Variants in CLK2 observed in about 807,000 individuals in gnomAD.
CLK2 encodes the protein CDC like kinase 2, also known as dual specificity protein kinase CLK2.
Under a neutral mutation model 73.5 loss-of-function variants are expected in CLK2, and 12 were observed. The observed-to-expected ratio is 0.16, with a 90% CI of 0.10 to 0.26. CLK2 has a LOEUF of 0.26. CLK2 is among the 10% of genes least tolerant of loss of function. The probability of loss-of-function intolerance (pLI) is 1.00; values close to 1 mark genes in which losing one functional copy is unlikely to be tolerated. For missense variants in CLK2, 509 were observed against 688.4 expected, an observed-to-expected ratio of 0.74 and a Z score of 2.92; for synonymous variants, 232 against 237.9, an observed-to-expected ratio of 0.98 and a Z score of 0.23.
chr1:155,263,962 G>C lies in CLK2; in HGVS notation c.1305C>G (p.Cys435Trp). 1 of 1,614,018 alleles carries C rather than the reference G, an allele frequency of 6.2e-7. No homozygotes were observed. The highest frequency in any genetic ancestry group is 8.5e-7 in the Non-Finnish European group (1 of 1,179,916). ...GAGCCCAGCTCACCCGCAGCGGTTTGCAGTTCTCACGAACATAGCGCCCAG... is the reference window on the plus strand; with the variant it reads ...GAGCCCAGCTCACCCGCAGCGGTTTCCAGTTCTCACGAACATAGCGCCCAG... ...TSAGRYVREN[C>W]KPLRRYLTSE... Residue 435 changes from cysteine to tryptophan, a missense_variant, in exon 12 of 13, where the codon TGC becomes TGG. By Grantham distance (215) the Cys-to-Trp change is radical. Transcript: ENST00000368361.
In CLK2 at chr1:155,265,875, G is replaced by C; in HGVS notation, c.918C>G (p.Thr306=). The change falls in exon 8 of 13, where the codon ACC becomes ACG. Residue 306 remains threonine, a synonymous_variant. Coordinates refer to ENST00000368361, the MANE Select transcript of CLK2 (RefSeq NM_001294338.2). ...TCCATCTTACCTTCTCTAGGTTGTAGGTGAGCTCATAGTCTGAATTCACAA... is the reference window on the plus strand; with the variant it reads ...TCCATCTTACCTTCTCTAGGTTGTACGTGAGCTCATAGTCTGAATTCACAA... The part of the protein sequence containing the change: ...ILFVNSDYEL[T]YNLEKKRDER... The C allele has an allele frequency of 1.2e-6, 2 of 1,608,138 alleles. No individual in the cohort carries two copies. Among genetic ancestry groups the C allele is most frequent in the Non-Finnish European group, 1.7e-6 (2 of 1,174,528 alleles).
chr1:155,265,596 A>AATAAATAAATAAATAAATAAATATATAT (rs1347854169), intron 8 of CLK2, among the ~76,000 whole-genome samples: 7 of 151,706 alleles, frequency 4.6e-5, no homozygotes, highest in African/African-American at 1.7e-4. Flanking sequence ...TAAATAAATA[A>AATAAATAAATAAATAAATAAATATATAT]ATAAATAAAG....
Position 155,265,917 on chromosome 1 carries a change from C to T in CLK2, c.876G>A (p.Lys292=). ...AATTCACAAACAGAATATTTTCAGG[C>T]TTGAGGTCTGTATGTGTCAGCTTGT... The part of the protein sequence containing the change: ...HDNKLTHTDL[K]PENILFVNSD... The change falls in exon 8 of 13, where the codon AAG becomes AAA. Residue 292 remains lysine, a synonymous_variant. Coordinates refer to ENST00000368361, the MANE Select transcript of CLK2 (RefSeq NM_001294338.2). 6.2e-7 allele frequency: 1 copy of T among 1,613,352 alleles called. No individual in the cohort carries two copies. The highest frequency in any genetic ancestry group is 8.5e-7 in the Non-Finnish European group (1 of 1,179,344).
Position 155,264,153 on chromosome 1 carries a change from G to C in CLK2, c.1226+68C>G, listed in dbSNP as rs893738659. 6.6e-5 allele frequency: 105 copies of C among 1,583,358 alleles called. 1 individual carries two copies. In the African/African-American group the frequency reaches 7.0e-4, roughly 11 times the overall value. ...GGAGGTATCAAAGAAAAAAGAAAAT[G>C]ATGTGAAATAGACCAATTCTGTGGA... is the stretch of plus-strand genomic sequence containing the variant. On this transcript the variant is annotated intron_variant, in intron 11 of 12. Coordinates refer to ENST00000368361, the MANE Select transcript of CLK2 (RefSeq NM_001294338.2).
chr1:155,264,480 G>A lies in CLK2; in HGVS notation c.1134C>T (p.Phe378=). The A allele has an allele frequency of 6.2e-7, 1 of 1,614,160 alleles. No individual in the cohort carries two copies. Among genetic ancestry groups the A allele is most frequent in the Non-Finnish European group, 8.5e-7 (1 of 1,180,014 alleles). The change falls in exon 10 of 13, where the codon TTC becomes TTT. Residue 378 remains phenylalanine, a synonymous_variant. Coordinates refer to ENST00000368361, the MANE Select transcript of CLK2 (RefSeq NM_001294338.2). ...TCCCATCACTTACCTGGAAGAGGGTGAATCCCACATAGTATTCAAAGATGA... is the reference window on the plus strand; with the variant it reads ...TCCCATCACTTACCTGGAAGAGGGTAAATCCCACATAGTATTCAAAGATGA... ...GCIIFEYYVG[F]TLFQTHDNRE... is the part of the protein sequence containing the mutation.
intron 2 of CLK2, 45 bp downstream of exon 2, chr1:155,270,763 T>C (rs776722325): frequency 6.4e-7 from 1 of 1,568,944 alleles, no homozygotes; most frequent in South Asian, 1.1e-5. Context: ...AACAAAGGAA[T>C]GAGCGAGTGA....
intron 3 of CLK2, 82 bp downstream of exon 3, chr1:155,269,406 G>A (rs1487283606): frequency 1.6e-6 from 2 of 1,259,452 alleles, no homozygotes; most frequent in East Asian, 4.7e-5. Context: ...GTTCAGCTGA[G>A]AACAAGGATA....
rs116041285 is a variant in CLK2, at chr1:155,267,042, G to A, written c.672-147C>T. The A allele has an allele frequency of 8.9e-3, 7,543 of 846,720 alleles. 434 individuals are homozygous for A. In the African/African-American group the frequency reaches 0.12, roughly 13 times the overall value. 52.5% of individuals were successfully genotyped at this position (846,720 alleles called of 1,614,324 possible). A position where few individuals can be genotyped will look rare whatever the true frequency, so the allele number is the denominator to read the frequency against. ...AGTACTAACACCAAAATTCAGTTCAGCTAAGGAGTAGCCTCTACCAGACCC... is the reference window on the plus strand; with the variant it reads ...AGTACTAACACCAAAATTCAGTTCAACTAAGGAGTAGCCTCTACCAGACCC... On this transcript the variant is annotated intron_variant, in intron 6 of 12. Transcript: ENST00000368361.
chr1:155,270,177 G>C (rs1673430448), intron 2 of CLK2, among the ~76,000 whole-genome samples: 1 of 149,970 alleles, frequency 6.7e-6, no homozygotes, highest in Admixed American at 6.7e-5. Context: ...GGCCAACATG[G>C]TGAAATCCTG....
chr1:155,264,909 G>C lies in CLK2; in HGVS notation c.934-135C>G, dbSNP rs1020556540. The C allele has an allele frequency of 6.9e-6, 7 of 1,007,654 alleles. No homozygotes were observed. The African/African-American group carries it at 1.1e-4, about 16-fold the overall frequency. The allele number at this position is 1,007,654 out of a possible 1,614,324, so 62.4% of individuals were successfully genotyped here. Reference sequence around the variant, plus strand: ...GCCTTACAAGCCCTGGGAAATTCCTGTTTTACAGCTTCCACCACATCCAGC... The same window carrying C: ...GCCTTACAAGCCCTGGGAAATTCCTCTTTTACAGCTTCCACCACATCCAGC... On this transcript the variant is annotated intron_variant, in intron 8 of 12. Transcript: ENST00000368361.
At position 155,269,698 on chromosome 1, in the gene CLK2, C is replaced by A. The variant is rs770924708; in HGVS notation, c.189G>T (p.Ser63=). ...VRSRSSYDDR[S]SDRRVYDRRY... Reference sequence around the variant, plus strand: ...GCCGGTCATACACCCTCCGGTCGGACGAACGATCATCATAACTGCTGTTGG... The same window carrying A: ...GCCGGTCATACACCCTCCGGTCGGAAGAACGATCATCATAACTGCTGTTGG... Residue 63 remains serine, a synonymous_variant, in exon 3 of 13, where the codon TCG becomes TCT. Transcript: ENST00000368361. 1.2e-6 allele frequency: 2 copies of A among 1,614,220 alleles called. No homozygotes were observed. Among genetic ancestry groups the A allele is most frequent in the South Asian group, 2.2e-5 (2 of 91,086 alleles).
At chr1:155,270,522 C>G (rs1484040704) in intron 2 of CLK2, among the ~76,000 whole-genome samples, 1 of 152,252 alleles carries the variant, frequency 6.6e-6, no homozygotes, top group East Asian at 1.9e-4. Flanking sequence ...CCACCTGACT[C>G]TACTTGTCCT....
intron 6 of CLK2, among the ~76,000 whole-genome samples, chr1:155,267,582 C>T (rs1241504566): frequency 3.3e-5 from 5 of 152,212 alleles, no homozygotes; most frequent in Non-Finnish European, 7.3e-5. Flanking sequence ...TACCTACTGG[C>T]CTCATATCTT....
In CLK2 at chr1:155,265,851, C is replaced by T. The variant is rs747847892; in HGVS notation, c.933+9G>A. 8 of 1,578,292 alleles carry T rather than the reference C, an allele frequency of 5.1e-6. No homozygotes were observed. Among genetic ancestry groups the T allele is most frequent in the Non-Finnish European group, 7.0e-6 (8 of 1,147,280 alleles). ...CCCAGTAACCAAGGGCAGACCCTAT[C>T]CATCTTACCTTCTCTAGGTTGTAGG... On this transcript the variant is annotated intron_variant, in intron 8 of 12. Coordinates refer to ENST00000368361, the MANE Select transcript of CLK2 (RefSeq NM_001294338.2).
At chr1:155,269,069 A>G in intron 3 of CLK2, 1 of 573,984 alleles carries the variant, frequency 1.7e-6, no homozygotes, top group Non-Finnish European at 3.1e-6. Context: ...AATGTCACCC[A>G]CAACCCCATG....
Position 155,268,042 on chromosome 1 carries a change from C to A in CLK2, c.639G>T (p.Glu213Asp). ...TGTCAGGGTCTTTCTCATTGATTTT[C>A]TCTAGCACGTTGATCTCAAGTCGAG... ...EAARLEINVL[E>D]KINEKDPDNK... is the part of the protein sequence containing the mutation. The change falls in exon 6 of 13, where the codon GAG (glutamate) becomes GAT (aspartate). Residue 213 changes from glutamate (E) to aspartate (D), a missense_variant. Physicochemically the swap from Glu to Asp is conservative, Grantham distance 45. Coordinates refer to ENST00000368361, the MANE Select transcript of CLK2 (RefSeq NM_001294338.2). The surrounding 1 kb of genome is among the most constrained non-coding windows in gnomAD (Gnocchi z 5.6). The A allele has an allele frequency of 1.9e-6, 3 of 1,614,034 alleles. 1 individual carries two copies. In the South Asian group the frequency reaches 3.3e-5, roughly 18 times the overall value.
chr1:155,263,781 A>G (rs1673097621), intron 12 of CLK2, 169 bp downstream of exon 12: 1 of 930,880 alleles, frequency 1.1e-6, no homozygotes, highest in African/African-American at 1.8e-5. Context: ...TTCCCTCCAC[A>G]AAACCACTCC....
rs994507989 is a variant in CLK2 at position 155,269,618 on chromosome 1, T to C, written c.269A>G (p.Tyr90Cys). 1.9e-6 allele frequency: 3 copies of C among 1,614,130 alleles called. No individual in the cohort carries two copies. The highest frequency in any genetic ancestry group is 2.5e-6 in the Non-Finnish European group (3 of 1,180,044). The change falls in exon 3 of 13, where the codon TAC becomes TGC. Residue 90 changes from tyrosine to cysteine, a missense_variant. Physicochemically the swap from Tyr to Cys is radical, Grantham distance 194. Transcript: ENST00000368361. ...GGAATGCCGATAGTCTGTGTCATAG[T>C]AGGCATCTCCCCGATCCCGGCTATA... ...NDYSRDRGDA[Y>C]YDTDYRHSYE... is the part of the protein sequence containing the mutation.
Position 155,268,578 on chromosome 1 carries a change from G to T in CLK2, c.487+130C>A. ...GGACAACAGAGGTCAATTCTCAACA[G>T]CAACTCAAACCACCCAGATAAACAA... On this transcript the variant is annotated intron_variant, in intron 4 of 12. Coordinates refer to ENST00000368361, the MANE Select transcript of CLK2 (RefSeq NM_001294338.2). The surrounding 1 kb of genome is among the most constrained non-coding windows in gnomAD (Gnocchi z 5.6). 1 of 919,524 alleles carries T rather than the reference G, an allele frequency of 1.1e-6. No individual in the cohort carries two copies. 57.0% of individuals were successfully genotyped at this position (919,524 alleles called of 1,614,324 possible).
Sources: allele counts gnomAD v4.1 joint callset (sites outside exome capture counted in the v4.1 genomes callset), GRCh38; gene constraint gnomAD v4.1.1; non-coding constraint Gnocchi (gnomAD v3.1); transcripts MANE v1.5; gene names NCBI Gene and HGNC (gene_info 2026-07-23, HGNC 2026-07-21).